The following SMYD3 variants were observed in gnomAD, a reference collection of about 807,000 sequenced individuals.
The protein encoded by SMYD3 is histone-lysine N-methyltransferase SMYD3.
A neutral mutation model predicts 57.7 loss-of-function variants in SMYD3; 36 were observed. That is an observed-to-expected ratio of 0.62 (90% CI 0.48 to 0.82). The LOEUF (loss-of-function observed/expected upper bound fraction) is 0.82. Among genes scored for constraint, SMYD3 ranks in the 40% least tolerant of loss-of-function variants. SMYD3 has a pLI of 0.00. For missense variants in SMYD3, 515 were observed against 538.8 expected, an observed-to-expected ratio of 0.96 and a Z score of 0.44; for synonymous variants, 211 against 195.0, an observed-to-expected ratio of 1.08 and a Z score of -0.68.
intron 5 of SMYD3, among the ~76,000 whole-genome samples, chr1:246,155,967 A>G (rs561788029): frequency 1.6e-4 from 25 of 152,120 alleles, no homozygotes; most frequent in African/African-American, 5.5e-4. Context: ...AGCCTGGGTG[A>G]CAGAGCGAGA....
At chr1:246,032,136 C>T (rs1251229060) in intron 5 of SMYD3, among the ~76,000 whole-genome samples, 2 of 152,192 alleles carry the variant, frequency 1.3e-5, no homozygotes, top group Non-Finnish European at 2.9e-5. Context: ...AGGAACATTA[C>T]TCCACTTTCA....
chr1:246,405,599 G>A (rs879589679), intron 1 of SMYD3, among the ~76,000 whole-genome samples: 5 of 151,992 alleles, frequency 3.3e-5, no homozygotes, highest in South Asian at 4.2e-4. Context: ...GTTTACTGTC[G>A]CACAGCGATT....
Position 245,956,675 on chromosome 1 carries a change from A to G in SMYD3, c.532-26738T>C, listed in dbSNP as rs1405227748. 2.0e-5 allele frequency among the ~76,000 whole-genome samples: 3 copies of G among 151,824 alleles called. No individual in the cohort carries two copies. In the East Asian group the frequency reaches 5.8e-4, roughly 29 times the overall value. ...CTTCTACTTCTCCTCCTCCTCCTGT[A>G]CTACTCCCCTACTCCCCTGGGTATG... is the stretch of plus-strand genomic sequence containing the variant. On this transcript the variant is annotated intron_variant, in intron 5 of 11. Coordinates refer to ENST00000490107, the MANE Select transcript of SMYD3 (RefSeq NM_001167740.2).
chr1:246,029,497 C>T (rs1403191081), intron 5 of SMYD3, among the ~76,000 whole-genome samples: 1 of 151,248 alleles, frequency 6.6e-6, no homozygotes, highest in African/African-American at 2.4e-5. Flanking sequence ...ATGGTGAAAC[C>T]CCATCTCTAC....
At chr1:246,014,077 C>T (rs1031810159) in intron 5 of SMYD3, among the ~76,000 whole-genome samples, 1 of 152,206 alleles carries the variant, frequency 6.6e-6, no homozygotes, top group African/African-American at 2.4e-5. Flanking sequence ...GTAATCCCAA[C>T]ACTTTGAGAG....
rs566305166 is a variant in SMYD3 at position 245,774,913 on chromosome 1, G to T, written c.1077-10764C>A. Reference sequence around the variant, plus strand: ...AGACGGGGTTTCACTGTGTTGGCCGGGCTGGTCTCCAGCTCCTAACCGCGA... The same window carrying T: ...AGACGGGGTTTCACTGTGTTGGCCGTGCTGGTCTCCAGCTCCTAACCGCGA... On this transcript the variant is annotated intron_variant, in intron 10 of 11. Coordinates refer to ENST00000490107, the MANE Select transcript of SMYD3 (RefSeq NM_001167740.2). Among the ~76,000 whole-genome samples the T allele has an allele frequency of 5.3e-3, 813 of 152,278 alleles. 3 individuals carry two copies. Among genetic ancestry groups the T allele is most frequent in the Non-Finnish European group, 6.6e-3 (450 of 68,014 alleles).
intron 8 of SMYD3, among the ~76,000 whole-genome samples, chr1:245,880,016 G>A (rs533943118): frequency 7.6e-4 from 115 of 151,760 alleles, no homozygotes; most frequent in Non-Finnish European, 1.3e-3. Flanking sequence ...GTGCGTTGCT[G>A]TACACACCAG....
At chr1:246,444,950 C>T (rs888341322) in intron 1 of SMYD3, among the ~76,000 whole-genome samples, 1 of 152,188 alleles carries the variant, frequency 6.6e-6, no homozygotes. Context: ...GGTTTGGATT[C>T]CACCTGTACT....
intron 5 of SMYD3, among the ~76,000 whole-genome samples, chr1:246,166,439 C>G (rs964812888): frequency 6.6e-6 from 1 of 152,164 alleles, no homozygotes; most frequent in Non-Finnish European, 1.5e-5. Context: ...CTGGTAACAC[C>G]CTACTCACTG....
chr1:245,999,875 C>T (rs2059006065), intron 5 of SMYD3, among the ~76,000 whole-genome samples: 2 of 152,174 alleles, frequency 1.3e-5, no homozygotes, highest in African/African-American at 4.8e-5. Context: ...GGCTCAATGA[C>T]TTACTTTGCT....
rs60915002 is a variant in SMYD3 at position 246,225,321 on chromosome 1, CAAAAAAAAAAAAAAAAAAAAAAA to C, written c.531+101857_531+101879del. On this transcript the variant is annotated intron_variant, in intron 5 of 11. Transcript: ENST00000490107. Reference sequence around the variant, plus strand: ...GTTATGTGGAAGACTGCTGAAAAGTCAAAAAAAAAAAAAAAAAAAAAAAAAAAAAAAAAAAACAGAAAAGACAC... The same window carrying C: ...GTTATGTGGAAGACTGCTGAAAAGTCAAAAAAAAAAAAACAGAAAAGACAC... 2.9e-3 allele frequency among the ~76,000 whole-genome samples: 221 copies of C among 76,310 alleles called. 6 individuals carry two copies. The highest frequency in any genetic ancestry group is 9.1e-3 in the African/African-American group (193 of 21,202). The allele number at this position is 76,310 out of a possible 152,430, so 50.1% of individuals were successfully genotyped here. A position where few individuals can be genotyped will look rare whatever the true frequency, so the allele number is the denominator to read the frequency against.
intron 10 of SMYD3, among the ~76,000 whole-genome samples, chr1:245,823,769 A>C (rs1416916266): frequency 1.3e-5 from 2 of 152,194 alleles, no homozygotes; most frequent in African/African-American, 4.8e-5. Flanking sequence ...AGACCGCCAA[A>C]TGAGGAAAGA....
chr1:246,039,245 TG>T (rs2059828310), intron 5 of SMYD3, among the ~76,000 whole-genome samples: 1 of 152,240 alleles, frequency 6.6e-6, no homozygotes, highest in Non-Finnish European at 1.5e-5. Flanking sequence ...TCGGTTGCTC[TG>T]TCCTGACCAA....
rs748856811 is a variant in SMYD3 at position 246,355,044 on chromosome 1, C to A, written c.215G>T (p.Ser72Ile). 1.2e-6 allele frequency: 2 copies of A among 1,614,054 alleles called. No homozygotes were observed. The highest frequency in any genetic ancestry group is 1.3e-5 in the African/African-American group (1 of 74,924). ...CSQCRVAKYC[S>I]AKCQKKAWPD... ...GAAAAGTCTTACCTGACACTTAGCA[C>A]TACAGTATTTGGCGACGCGGCACTG... is the stretch of plus-strand genomic sequence containing the variant. The change falls in exon 2 of 12, where the codon AGT (serine) becomes ATT (isoleucine). Residue 72 changes from serine to isoleucine, a missense_variant. Transcript: ENST00000490107. The surrounding 1 kb of genome is among the most constrained non-coding windows in gnomAD (Gnocchi z 5.0).
intron 5 of SMYD3, among the ~76,000 whole-genome samples, chr1:245,962,461 G>T (rs2058034786): frequency 6.6e-6 from 1 of 152,168 alleles, no homozygotes; most frequent in East Asian, 1.9e-4. Context: ...GAAGTTCAAC[G>T]CCTCTGTCAT....
chr1:246,217,486 G>A (rs551549370), intron 5 of SMYD3, among the ~76,000 whole-genome samples: 1 of 152,124 alleles, frequency 6.6e-6, no homozygotes, highest in East Asian at 1.9e-4. Flanking sequence ...TCCAGCCTGG[G>A]TAATAGACCA....
At chr1:246,097,358 A>G (rs1046245080) in intron 5 of SMYD3, among the ~76,000 whole-genome samples, 1 of 152,144 alleles carries the variant, frequency 6.6e-6, no homozygotes, top group Non-Finnish European at 1.5e-5. Flanking sequence ...TAGCAAAGTC[A>G]GAAGTATGTG....
At chr1:246,408,285 T>G (rs1325564273) in intron 1 of SMYD3, among the ~76,000 whole-genome samples, 2 of 152,208 alleles carry the variant, frequency 1.3e-5, no homozygotes, top group Non-Finnish European at 2.9e-5. Context: ...TATTGCTATT[T>G]TGAAACTGTC....
Position 245,928,053 on chromosome 1 carries a change from A to G in SMYD3, c.600-20T>C. 6.3e-7 allele frequency: 1 copy of G among 1,593,822 alleles called. No individual in the cohort carries two copies. Among genetic ancestry groups the G allele is most frequent in the Non-Finnish European group, 8.6e-7 (1 of 1,164,262 alleles). On this transcript the variant is annotated intron_variant, in intron 6 of 11. Transcript: ENST00000490107. ...GAGATACTGGAAAAAAAAAGGGGGG[A>G]AGACTGTCACAGCTCAGCAGGTAGA...
Sources: gnomAD v4.1 joint callset for allele counts (sites outside exome capture counted in the v4.1 genomes callset) on GRCh38, gnomAD v4.1.1 for gene constraint, Gnocchi (gnomAD v3.1) non-coding constraint, MANE v1.5 for transcripts, NCBI Gene and HGNC (gene_info 2026-07-23, HGNC 2026-07-21) for gene names.